The following EFHB variants were observed in gnomAD, a reference collection of about 807,000 sequenced individuals.
EFHB encodes the protein EF-hand domain family member B, also known as EF-hand domain-containing family member B.
EFHB carries 91 observed loss-of-function variants against 87.2 expected under a neutral mutation model. The observed-to-expected ratio is 1.04, with a 90% CI of 0.88 to 1.24. The LOEUF is 1.24. EFHB is among the 50% of genes most tolerant of loss of function. EFHB has a pLI of 0.00. For synonymous variants in EFHB, 325 were observed against 333.6 expected, an observed-to-expected ratio of 0.97 and a Z score of 0.28; for missense variants, 1,084 against 998.8, an observed-to-expected ratio of 1.09 and a Z score of -1.15.
upstream of EFHB, among the ~76,000 whole-genome samples, chr3:19,935,131 A>C (rs570758065): frequency 6.6e-6 from 1 of 151,976 alleles, no homozygotes; most frequent in Non-Finnish European, 1.5e-5. Context: ...GGCTGGTCTC[A>C]AACACCTGAC....
At chr3:19,939,882 G>A (rs1484899196) in intron 1 of EFHB, among the ~76,000 whole-genome samples, 1 of 152,126 alleles carries the variant, frequency 6.6e-6, no homozygotes, top group Non-Finnish European at 1.5e-5. Flanking sequence ...AATTGATATT[G>A]AACTGGCATG....
Position 19,888,477 on chromosome 3 carries a change from G to C in EFHB, c.1900C>G (p.Leu634Val). Residue 634 changes from leucine (L) to valine (V), a missense_variant, in exon 10 of 13, where the codon CTT becomes GTT. Physicochemically the swap from Leu to Val is conservative, Grantham distance 32 (BLOSUM62 1). Coordinates refer to ENST00000295824, the MANE Select transcript of EFHB (RefSeq NM_144715.4). ...ATGACCCTCTCTTCATACTCTTTAA[G>C]AAGCATTTTGTCTTTCCAGTTAAGA... is the stretch of plus-strand genomic sequence containing the variant. ...NFLNWKDKML[L>V]KEYEERVIIK... is the part of the protein sequence containing the mutation. 2 of 1,565,846 alleles carry C rather than the reference G, an allele frequency of 1.3e-6. No individual in the cohort carries two copies. The highest frequency in any genetic ancestry group is 1.2e-5 in the South Asian group (1 of 85,422).
intron 4 of EFHB, among the ~76,000 whole-genome samples, chr3:19,916,691 T>A (rs1483225637): frequency 6.6e-6 from 1 of 152,160 alleles, no homozygotes; most frequent in Non-Finnish European, 1.5e-5. Context: ...CCCAGTTTTG[T>A]GTACAGTGAA....
Position 19,899,494 on chromosome 3 carries a change from T to G in EFHB, c.1440A>C (p.Val480=). ...ELQMKRGAKF[V]SKRADDFKEK... ...CTTTGAAATCATCTGCTCTTTTGGATACAAACTTAGCTCCTCTTTTCCTGC... is the reference window on the plus strand; with the variant it reads ...CTTTGAAATCATCTGCTCTTTTGGAGACAAACTTAGCTCCTCTTTTCCTGC... The change falls in exon 7 of 13, where the codon GTA becomes GTC. Residue 480 remains valine (V), a synonymous_variant. Transcript: ENST00000295824. The G allele has an allele frequency of 6.2e-7, 1 of 1,605,384 alleles. No individual in the cohort carries two copies. Among genetic ancestry groups the G allele is most frequent in the Non-Finnish European group, 8.5e-7 (1 of 1,176,972 alleles).
chr3:19,888,474 T>A lies in EFHB; in HGVS notation c.1903A>T (p.Lys635Ter). The change falls in exon 10 of 13, where the codon AAA (lysine) becomes TAA (stop). Residue 635 changes from lysine (K) to a stop codon, truncating the protein, a stop_gained. Coordinates refer to ENST00000295824, the MANE Select transcript of EFHB (RefSeq NM_144715.4). LOFTEE classifies it high-confidence loss of function. Reference sequence around the variant, plus strand: ...ATAATGACCCTCTCTTCATACTCTTTAAGAAGCATTTTGTCTTTCCAGTTA... The same window carrying A: ...ATAATGACCCTCTCTTCATACTCTTAAAGAAGCATTTTGTCTTTCCAGTTA... ...FLNWKDKMLL[K>*]EYEERVIIKG... The A allele has an allele frequency of 6.4e-7, 1 of 1,564,878 alleles. No individual in the cohort carries two copies. Among genetic ancestry groups the A allele is most frequent in the South Asian group, 1.2e-5 (1 of 85,350 alleles).
chr3:19,933,911 T>A lies in EFHB; in HGVS notation c.108A>T (p.Leu36Phe). 6.2e-7 allele frequency: 1 copy of A among 1,614,026 alleles called. No individual in the cohort carries two copies. The highest frequency in any genetic ancestry group is 8.5e-7 in the Non-Finnish European group (1 of 1,179,892). The change falls in exon 1 of 13, where the codon TTA becomes TTT. Residue 36 changes from leucine to phenylalanine, a missense_variant. Transcript: ENST00000295824. ...CCCCGCATCGGGAATCTTCTTTTCC[T>A]AATCCTACTCTGATCCCCAACTCCA... ...FPMELGIRVG[L>F]GKEDSRCGES...
At chr3:19,882,761 C>T in intron 11 of EFHB, 30 bp from the exon 12 acceptor site, 3 of 1,589,818 alleles carry the variant, frequency 1.9e-6, no homozygotes, top group Non-Finnish European at 2.6e-6. Flanking sequence ...AGAAAACAGA[C>T]ATTCTAAAAC....
intron 5 of EFHB, among the ~76,000 whole-genome samples, chr3:19,914,588 G>A (rs1695164035): frequency 1.3e-5 from 2 of 151,978 alleles, no homozygotes; most frequent in Non-Finnish European, 2.9e-5. Context: ...CTCTGTTCCA[G>A]GTGCTATGTT....
At chr3:19,943,988 A>G (rs148429273) in intron 1 of EFHB, among the ~76,000 whole-genome samples, 24 of 152,360 alleles carry the variant, frequency 1.6e-4, no homozygotes, top group African/African-American at 5.0e-4. Context: ...TGGGCTTAGA[A>G]GTCCCTTAGG....
intron 1 of EFHB, among the ~76,000 whole-genome samples, chr3:19,926,750 T>A (rs1438693038): frequency 6.6e-6 from 1 of 151,524 alleles, no homozygotes; most frequent in African/African-American, 2.4e-5. Context: ...AACCTCCGCC[T>A]CCCGGGCTCA....
Position 19,924,101 on chromosome 3 carries a change from C to T in EFHB, c.790-3534G>A, listed in dbSNP as rs1188457055. On this transcript the variant is annotated intron_variant, in intron 1 of 12. Coordinates refer to ENST00000295824, the MANE Select transcript of EFHB (RefSeq NM_144715.4). ...TAATAATAACTAGTGATGATTCTTT[C>T]CTAAATCATTATTCCTATGATGGTT... Among the ~76,000 whole-genome samples the T allele has an allele frequency of 2.0e-5, 3 of 152,152 alleles. 1 individual carries two copies. Among genetic ancestry groups the T allele is most frequent in the South Asian group, 4.1e-4 (2 of 4,822 alleles).
chr3:19,905,954 A>G (rs1336663738), intron 5 of EFHB, among the ~76,000 whole-genome samples: 1 of 152,198 alleles, frequency 6.6e-6, no homozygotes, highest in African/African-American at 2.4e-5. Context: ...TGCTACACAC[A>G]ACAATACGTT....
intron 8 of EFHB, among the ~76,000 whole-genome samples, 151 bp from the exon 9 acceptor site, chr3:19,896,992 T>C (rs926192918): frequency 2.0e-5 from 3 of 152,246 alleles, no homozygotes; most frequent in African/African-American, 7.2e-5. Context: ...AAAATCCTTA[T>C]GTACTCTAAA....
intron 9 of EFHB, chr3:19,895,007 T>TATATATATATATAA (rs1453175560): frequency 3.4e-5 from 5 of 147,108 alleles, no homozygotes; most frequent in African/African-American, 1.2e-4. Context: ...TATGTATATA[T>TATATATATATATAA]AAAAATATAT....
At chr3:19,920,420 T>C in intron 2 of EFHB, 85 bp downstream of exon 2, 1 of 1,140,914 alleles carries the variant, frequency 8.8e-7, no homozygotes, top group Non-Finnish European at 1.3e-6. Flanking sequence ...TATACCACTT[T>C]CATAAGGAAC....
At chr3:19,913,767 T>G (rs538447325) in intron 5 of EFHB, among the ~76,000 whole-genome samples, 1 of 152,090 alleles carries the variant, frequency 6.6e-6, no homozygotes, top group East Asian at 1.9e-4. Flanking sequence ...AGTAATCACA[T>G]TACTTGACTT....
chr3:19,919,144 C>T (rs1695345521), intron 3 of EFHB, among the ~76,000 whole-genome samples: 1 of 151,996 alleles, frequency 6.6e-6, no homozygotes, highest in Admixed American at 6.6e-5. Context: ...ACTCAATGTC[C>T]ATATAAGTAT....
intron 9 of EFHB, among the ~76,000 whole-genome samples, chr3:19,893,423 T>A (rs760133585): frequency 1.2e-4 from 18 of 152,148 alleles, no homozygotes; most frequent in Non-Finnish European, 1.8e-4. Flanking sequence ...GCTACTGGAA[T>A]GGGATACCCT....
intron 6 of EFHB, among the ~76,000 whole-genome samples, chr3:19,900,835 A>C (rs1694645219): frequency 6.6e-6 from 1 of 151,976 alleles, no homozygotes; most frequent in Admixed American, 6.6e-5. Flanking sequence ...AGGCTGAGGC[A>C]GGACAGTCAC....
Sources: allele counts gnomAD v4.1 joint callset (sites outside exome capture counted in the v4.1 genomes callset), GRCh38; gene constraint gnomAD v4.1.1; transcripts MANE v1.5; gene names NCBI Gene and HGNC (gene_info 2026-07-23, HGNC 2026-07-21).